H6PD: variants seen among roughly 807,000 people sequenced by gnomAD.
The protein encoded by H6PD is hexose-6-phosphate dehydrogenase/glucose 1-dehydrogenase.
A neutral mutation model predicts 61.2 loss-of-function variants in H6PD; 48 were observed. The ratio of observed to expected loss-of-function variants is 0.78; its 90% CI spans 0.62 to 1.00. The LOEUF (loss-of-function observed/expected upper bound fraction) is 1.00. Among genes scored for constraint, H6PD ranks in the 50% least tolerant of loss-of-function variants. The probability of loss-of-function intolerance (pLI) is 0.00; values close to 1 mark genes in which losing one functional copy is unlikely to be tolerated. For missense variants in H6PD, 1,093 were observed against 1,065.0 expected, an observed-to-expected ratio of 1.03 and a Z score of -0.37; for synonymous variants, 480 against 457.9, an observed-to-expected ratio of 1.05 and a Z score of -0.62.
intron 3 of H6PD, among the ~76,000 whole-genome samples, chr1:9,252,965 A>C (rs530935770): frequency 3.9e-5 from 6 of 152,310 alleles, no homozygotes; most frequent in African/African-American, 1.4e-4. Flanking sequence ...TCAACCCTCA[A>C]CTTTCAACCC....
rs1641124418 is a variant in H6PD at position 9,245,104 on chromosome 1, G to C, written c.170G>C (p.Gly57Ala). The C allele has an allele frequency of 6.2e-6, 10 of 1,614,228 alleles. No individual in the cohort carries two copies. Among genetic ancestry groups the C allele is most frequent in the Non-Finnish European group, 8.5e-6 (10 of 1,180,038 alleles). The change falls in exon 2 of 5, where the codon GGT becomes GCT. Residue 57 changes from glycine (G) to alanine (A), a missense_variant. Coordinates refer to ENST00000377403, the MANE Select transcript of H6PD (RefSeq NM_004285.4). The surrounding 1 kb of genome is among the most constrained non-coding windows in gnomAD (Gnocchi z 4.8). ...CTGTACCTGGATGAAGCGGGGAGGG[G>C]TCACAGTTTTAGCTTCCATGGAGCT... Reference protein sequence around the residue: ...FQLYLDEAGRGHSFSFHGAAL... With the variant: ...FQLYLDEAGRAHSFSFHGAAL...
At position 9,268,156 on chromosome 1, in the gene H6PD, C is replaced by G. The variant is rs1638630533; in HGVS notation, c.*3287C>G. 1 of 150,944 alleles carries G rather than the reference C, an allele frequency of 6.6e-6. No individual in the cohort carries two copies. Among genetic ancestry groups the G allele is most frequent in the African/African-American group, 2.4e-5 (1 of 40,942 alleles). 9.4% of individuals were successfully genotyped at this position (150,944 alleles called of 1,614,324 possible). A position where few individuals can be genotyped will look rare whatever the true frequency, so the allele number is the denominator to read the frequency against. ...CGGGAGTCTGAGGTGGGAGGATCAC[C>G]TGAGCCCAGGAGACTGAGGCTGCAG... On this transcript the variant is annotated 3_prime_UTR_variant, in exon 5 of 5. Transcript: ENST00000377403.
intron 1 of H6PD, among the ~76,000 whole-genome samples, chr1:9,244,693 T>C (rs1042159389): frequency 2.0e-5 from 3 of 152,242 alleles, no homozygotes; most frequent in Admixed American, 6.5e-5. Flanking sequence ...GCAAGTGGTC[T>C]CTAACTTTCC....
chr1:9,256,875 TTC>T (rs1459444841), intron 3 of H6PD, among the ~76,000 whole-genome samples: 2 of 152,132 alleles, frequency 1.3e-5, no homozygotes, highest in East Asian at 1.9e-4. Context: ...TCGCTTCTCT[TTC>T]TGTTTCCATG....
chr1:9,238,989 TGTA>T (rs1439517740), intron 1 of H6PD, among the ~76,000 whole-genome samples: 4 of 152,110 alleles, frequency 2.6e-5, no homozygotes, highest in African/African-American at 4.8e-5. Flanking sequence ...ATTAGTGAAA[TGTA>T]GTCAGATGAT....
rs185938160 is a variant in H6PD at position 9,243,554 on chromosome 1, C to T, written c.-10-1371C>T. On this transcript the variant is annotated intron_variant, in intron 1 of 4. Transcript: ENST00000377403. ...CCCTCACTTCCTTCTTCCTTTCCCT[C>T]CAACACTGGCCTTGGTTGGAAGCTA... Among the ~76,000 whole-genome samples, 483 of 152,298 alleles carry T rather than the reference C, an allele frequency of 3.2e-3. 3 individuals carry two copies. The highest frequency in any genetic ancestry group is 5.4e-3 in the Non-Finnish European group (369 of 68,024).
In H6PD at chr1:9,241,668, G is replaced by A. The variant is rs542705238; in HGVS notation, c.-10-3257G>A. Reference sequence around the variant, plus strand: ...TCCTGCCTTGGCCTCCCAGAGTGCCGGGATTATAGGCATGAGCCACTGTGC... The same window carrying A: ...TCCTGCCTTGGCCTCCCAGAGTGCCAGGATTATAGGCATGAGCCACTGTGC... On this transcript the variant is annotated intron_variant, in intron 1 of 4. Coordinates refer to ENST00000377403, the MANE Select transcript of H6PD (RefSeq NM_004285.4). 3.2e-4 allele frequency among the ~76,000 whole-genome samples: 48 copies of A among 152,330 alleles called. 3 individuals are homozygous for A. The South Asian group carries it at 9.3e-3, about 30-fold the overall frequency.
rs1638729407 is a variant in H6PD at position 9,270,947 on chromosome 1, C to CTTTTTCTTTTTTTTT, written c.*6083_*6084insCTTTTTTTTTTTTTT. 1 of 140,112 alleles carries CTTTTTCTTTTTTTTT rather than the reference C, an allele frequency of 7.1e-6. No individual in the cohort carries two copies. The highest frequency in any genetic ancestry group is 1.5e-5 in the Non-Finnish European group (1 of 65,082). 8.7% of individuals were successfully genotyped at this position (140,112 alleles called of 1,614,324 possible). On this transcript the variant is annotated 3_prime_UTR_variant, in exon 5 of 5. Transcript: ENST00000377403. ...TGATGAGGCACATTCAGAACAAATGCTTTTTTTTTTTTGAGACAGAGTCTC... is the reference window on the plus strand; with the variant it reads ...TGATGAGGCACATTCAGAACAAATGCTTTTTCTTTTTTTTTTTTTTTTTTTTTGAGACAGAGTCTC...
chr1:9,259,347 G>T (rs1641637919), intron 3 of H6PD, among the ~76,000 whole-genome samples: 1 of 152,168 alleles, frequency 6.6e-6, no homozygotes, highest in Non-Finnish European at 1.5e-5. Context: ...TGTTACACTG[G>T]TGTTGTATGG....
intron 3 of H6PD, among the ~76,000 whole-genome samples, chr1:9,259,031 G>A (rs145842571): frequency 0.011 from 1,737 of 152,152 alleles, 31 homozygotes; most frequent in African/African-American, 0.04. Flanking sequence ...TCGCTCTGTC[G>A]CCCAGGCTGG....
chr1:9,246,837 AACT>A, intron 2 of H6PD, 126 bp from the exon 3 acceptor site: 1 of 774,454 alleles, frequency 1.3e-6, no homozygotes, highest in Non-Finnish European at 2.4e-6. Flanking sequence ...TGAAGTCCAG[AACT>A]ACTGCTCAGA....
chr1:9,239,305 C>G (rs993284409), intron 1 of H6PD, among the ~76,000 whole-genome samples: 1 of 152,128 alleles, frequency 6.6e-6, no homozygotes, highest in African/African-American at 2.4e-5. Flanking sequence ...TCTCAGTCTC[C>G]CAAAGTGCTG....
rs758502836 is a variant in H6PD at position 9,257,916 on chromosome 1, G to C, written c.746-4143G>C. 3.3e-4 allele frequency among the ~76,000 whole-genome samples: 51 copies of C among 152,370 alleles called. 1 individual carries two copies. The highest frequency in any genetic ancestry group is 5.5e-4 in the African/African-American group (23 of 41,584). On this transcript the variant is annotated intron_variant, in intron 3 of 4. Transcript: ENST00000377403. Reference sequence around the variant, plus strand: ...GCGAGGTGGTATGCGTTGGAACCCTGATCTCTGGGACTGTCCTGTATATTC... The same window carrying C: ...GCGAGGTGGTATGCGTTGGAACCCTCATCTCTGGGACTGTCCTGTATATTC...
At position 9,254,913 on chromosome 1, in the gene H6PD, G is replaced by C. The variant is rs1255011926; in HGVS notation, c.746-7146G>C. Among the ~76,000 whole-genome samples, 1 of 152,172 alleles carries C rather than the reference G, an allele frequency of 6.6e-6. No individual in the cohort carries two copies. The highest frequency in any genetic ancestry group is 2.4e-5 in the African/African-American group (1 of 41,428). ...GCAACCACAGAAATGCATTCTCTCTGCGGGGTTGCCTGTTCTGGATATTTT... is the reference window on the plus strand; with the variant it reads ...GCAACCACAGAAATGCATTCTCTCTCCGGGGTTGCCTGTTCTGGATATTTT... On this transcript the variant is annotated intron_variant, in intron 3 of 4. Transcript: ENST00000377403. The surrounding 1 kb of genome is among the most constrained non-coding windows in gnomAD (Gnocchi z 4.6).
rs370751354 is a variant in H6PD, at chr1:9,237,236, C to CTTTTTT, written c.-11+2191_-11+2196dup. ...ACCTTTGGTAAGTTATTTGACTTCT[C>CTTTTTT]TTTTTTTTTTTTTTTTTTTTTTTTT... On this transcript the variant is annotated intron_variant, in intron 1 of 4. Transcript: ENST00000377403. Among the ~76,000 whole-genome samples, 56 of 71,078 alleles carry CTTTTTT rather than the reference C, an allele frequency of 7.9e-4. 5 individuals carry two copies. The highest frequency in any genetic ancestry group is 1.3e-3 in the African/African-American group (26 of 20,124). 46.6% of individuals were successfully genotyped at this position (71,078 alleles called of 152,430 possible).
intron 1 of H6PD, among the ~76,000 whole-genome samples, chr1:9,237,296 A>G (rs906112016): frequency 6.4e-5 from 8 of 124,758 alleles, no homozygotes; most frequent in Admixed American, 5.5e-4. Flanking sequence ...CCAGGGGCGC[A>G]ATCTCAGCTC....
chr1:9,260,041 G>T (rs1163731109), intron 3 of H6PD, among the ~76,000 whole-genome samples: 1 of 152,022 alleles, frequency 6.6e-6, no homozygotes, highest in Non-Finnish European at 1.5e-5. Flanking sequence ...TTGCACTGCT[G>T]TTATGCTGGT....
At position 9,237,524 on chromosome 1, in the gene H6PD, C is replaced by T. The variant is rs80077966; in HGVS notation, c.-11+2458C>T. Among the ~76,000 whole-genome samples the T allele has an allele frequency of 1.9e-3, 283 of 152,218 alleles. 1 individual carries two copies. Among genetic ancestry groups the T allele is most frequent in the African/African-American group, 6.4e-3 (267 of 41,542 alleles). On this transcript the variant is annotated intron_variant, in intron 1 of 4. Transcript: ENST00000377403. ...CTGGGATTATAGGCGTAAGCCACTG[C>T]GCCTGGCCATGTTATTTGACTTCTC...
rs775281607 is a variant in H6PD, at chr1:9,262,335, C to G, written c.1015+7C>G. On this transcript the variant is annotated splice_region_variant and intron_variant, in intron 4 of 4. Coordinates refer to ENST00000377403, the MANE Select transcript of H6PD (RefSeq NM_004285.4). ...CTGACGCCGACCTTCGCAGGTGGGC[C>G]CTGGGGCTGGGCATGGGGCACTGGG... The G allele has an allele frequency of 1.3e-6, 2 of 1,596,240 alleles. No individual in the cohort carries two copies. Among genetic ancestry groups the G allele is most frequent in the Non-Finnish European group, 8.5e-7 (1 of 1,171,534 alleles).
Sources: allele counts gnomAD v4.1 joint callset (sites outside exome capture counted in the v4.1 genomes callset), GRCh38; gene constraint gnomAD v4.1.1; non-coding constraint Gnocchi (gnomAD v3.1); transcripts MANE v1.5; gene names NCBI Gene and HGNC (gene_info 2026-07-23, HGNC 2026-07-21).